Variants in GLCE observed in about 807,000 individuals in gnomAD.
GLCE encodes the protein glucuronic acid epimerase.
A neutral mutation model predicts 47.9 loss-of-function variants in GLCE; 19 were observed. The ratio of observed to expected loss-of-function variants is 0.40; its 90% confidence interval spans 0.28 to 0.58. The LOEUF (loss-of-function observed/expected upper bound fraction) is 0.58, where lower values mean the gene tolerates loss of function less well. Ranked by LOEUF, GLCE falls within the 20% of genes least tolerant of loss-of-function variation. GLCE has a pLI of 0.48. For missense variants in GLCE, 556 were observed against 743.3 expected (o/e 0.75, Z 2.93); for synonymous variants, 245 against 263.4 (o/e 0.93, Z 0.68).
intron 2 of GLCE, among the ~76,000 whole-genome samples, chr15:69,215,612 T>C (rs187088013): frequency 1.4e-3 from 212 of 152,098 alleles, no homozygotes; most frequent in African/African-American, 4.1e-3. Context: ...AGTGAATACC[T>C]AGGAGCAGGA....
chr15:69,242,128 A>G (rs759417920), intron 2 of GLCE, among the ~76,000 whole-genome samples: 8 of 152,170 alleles, frequency 5.3e-5, no homozygotes, highest in Non-Finnish European at 1.2e-4. Flanking sequence ...CTACAAGTTC[A>G]TTATCCTGTG....
rs374832590 is a variant in GLCE, at chr15:69,173,912, CA to C, written c.-105+13156del. On this transcript the variant is annotated intron_variant, in intron 1 of 4. Coordinates refer to ENST00000261858, the MANE Select transcript of GLCE (RefSeq NM_015554.3). ...TTACTCTGTCATCCAGGCTGGTGTG[CA>C]GTGGTGTGATCTTGGCTCACTGCAA... 5.9e-4 allele frequency among the ~76,000 whole-genome samples: 90 copies of C among 152,266 alleles called. 2 individuals carry two copies. In the South Asian group the frequency reaches 0.019, roughly 32 times the overall value.
intron 1 of GLCE, among the ~76,000 whole-genome samples, chr15:69,195,070 C>T (rs926115597): frequency 6.6e-6 from 1 of 152,062 alleles, no homozygotes; most frequent in Non-Finnish European, 1.5e-5. Context: ...TTGAGAGTCA[C>T]TTTTTTCCAT....
chr15:69,268,719 T>C lies in GLCE; in HGVS notation c.1329T>C (p.Ser443=). The C allele has an allele frequency of 6.2e-7, 1 of 1,614,230 alleles. No individual in the cohort carries two copies. Among genetic ancestry groups the C allele is most frequent in the Non-Finnish European group, 8.5e-7 (1 of 1,180,036 alleles). Residue 443 remains serine (S), a synonymous_variant, in exon 5 of 5, where the codon TCT becomes TCC. Coordinates refer to ENST00000261858, the MANE Select transcript of GLCE (RefSeq NM_015554.3). ...GFKSLEPGWY[S]AMAQGQAIST... ...AGTCTTTAGAGCCAGGATGGTATTC[T>C]GCCATGGCCCAAGGGCAAGCCATTT...
intron 2 of GLCE, among the ~76,000 whole-genome samples, chr15:69,224,086 C>T (rs1170209354): frequency 2.6e-5 from 4 of 152,008 alleles, no homozygotes; most frequent in African/African-American, 9.7e-5. Context: ...TATTTTTTGC[C>T]TTTGAATGTG....
intron 2 of GLCE, among the ~76,000 whole-genome samples, chr15:69,228,328 T>C (rs1277119641): frequency 6.6e-6 from 1 of 152,192 alleles, no homozygotes; most frequent in African/African-American, 2.4e-5. Flanking sequence ...ACTCATGATA[T>C]CAGCAACTCA....
At position 69,269,271 on chromosome 15, in the gene GLCE, C is replaced by T. The variant is rs765161222; in HGVS notation, c.*27C>T. ...GCTCACAACCAAAACTGCACTTCAG[C>T]CTCTGCTGTACACAGAAACTACAGG... is the stretch of plus-strand genomic sequence containing the variant. On this transcript the variant is annotated 3_prime_UTR_variant, in exon 5 of 5. Coordinates refer to ENST00000261858, the MANE Select transcript of GLCE (RefSeq NM_015554.3). 6.3e-6 allele frequency: 10 copies of T among 1,584,394 alleles called. No individual in the cohort carries two copies. The South Asian group carries it at 8.9e-5, about 14-fold the overall frequency.
chr15:69,239,356 T>C (rs937312188), intron 2 of GLCE, among the ~76,000 whole-genome samples: 1 of 152,168 alleles, frequency 6.6e-6, no homozygotes, highest in African/African-American at 2.4e-5. Flanking sequence ...TGTAGAAAGA[T>C]AGAAAGCACC....
Position 69,269,274 on chromosome 15 carries a change from C to T in GLCE, c.*30C>T. ...CACAACCAAAACTGCACTTCAGCCT[C>T]TGCTGTACACAGAAACTACAGGCTC... On this transcript the variant is annotated 3_prime_UTR_variant, in exon 5 of 5. Transcript: ENST00000261858. The T allele has an allele frequency of 6.4e-7, 1 of 1,566,728 alleles. No individual in the cohort carries two copies. The highest frequency in any genetic ancestry group is 8.8e-7 in the Non-Finnish European group (1 of 1,140,852).
intron 2 of GLCE, among the ~76,000 whole-genome samples, chr15:69,226,716 T>G (rs184319508): frequency 2.2e-4 from 32 of 145,232 alleles, no homozygotes; most frequent in African/African-American, 7.6e-4. Context: ...TCAGCCAGAG[T>G]GAGCTTGCTT....
At chr15:69,162,693 C>T (rs2051443267) in intron 1 of GLCE, among the ~76,000 whole-genome samples, 1 of 152,166 alleles carries the variant, frequency 6.6e-6, no homozygotes, top group South Asian at 2.1e-4. Flanking sequence ...TCCCCACCCC[C>T]AGTAGAGGAG....
At chr15:69,187,596 T>C (rs904708405) in intron 1 of GLCE, among the ~76,000 whole-genome samples, 2 of 152,212 alleles carry the variant, frequency 1.3e-5, no homozygotes, top group East Asian at 1.9e-4. Context: ...GAAGATGTTA[T>C]TATCATTTTG....
intron 1 of GLCE, among the ~76,000 whole-genome samples, chr15:69,195,759 T>C (rs1354522325): frequency 1.3e-5 from 2 of 152,084 alleles, no homozygotes; most frequent in Non-Finnish European, 2.9e-5. Context: ...GAATGTAATA[T>C]TTTGGTACCT....
intron 2 of GLCE, among the ~76,000 whole-genome samples, chr15:69,246,125 C>T (rs2052746035): frequency 6.6e-6 from 1 of 152,176 alleles, no homozygotes; most frequent in South Asian, 2.1e-4. Context: ...AGCAATTCAG[C>T]CCCCTCTTCA....
At chr15:69,235,385 G>A (rs1000024908) in intron 2 of GLCE, among the ~76,000 whole-genome samples, 27 of 144,070 alleles carry the variant, frequency 1.9e-4, no homozygotes, top group African/African-American at 7.7e-4. Flanking sequence ...TGGGATTACA[G>A]GTATGAGTCA....
At position 69,204,565 on chromosome 15, in the gene GLCE, A is replaced by G. The variant is rs145157555; in HGVS notation, c.-104-5751A>G. ...CTCCCAAAGTCCTGGGATTACAAGC[A>G]TGAGCCACCTTGCCTGGCCTGTTTT... is the stretch of plus-strand genomic sequence containing the variant. On this transcript the variant is annotated intron_variant, in intron 1 of 4. Transcript: ENST00000261858. 1.4e-3 allele frequency among the ~76,000 whole-genome samples: 211 copies of G among 152,146 alleles called. 1 individual carries two copies. The highest frequency in any genetic ancestry group is 4.8e-3 in the African/African-American group (198 of 41,544).
chr15:69,202,473 G>A (rs889258093), intron 1 of GLCE, among the ~76,000 whole-genome samples: 2 of 152,102 alleles, frequency 1.3e-5, no homozygotes, highest in Non-Finnish European at 1.5e-5. Context: ...TGCTCCCACT[G>A]TGTGCCGAGT....
intron 1 of GLCE, among the ~76,000 whole-genome samples, chr15:69,168,322 G>C (rs1284469908): frequency 6.6e-6 from 1 of 152,108 alleles, no homozygotes; most frequent in Non-Finnish European, 1.5e-5. Flanking sequence ...CTCCAGGATA[G>C]GGATTTTTAC....
intron 1 of GLCE, among the ~76,000 whole-genome samples, chr15:69,170,582 A>T (rs1447351100): frequency 6.6e-6 from 1 of 152,188 alleles, no homozygotes; most frequent in East Asian, 1.9e-4. Flanking sequence ...GCATGTGTGT[A>T]ATGTGTGTGT....
Sources: allele counts gnomAD v4.1 joint callset (sites outside exome capture counted in the v4.1 genomes callset), GRCh38; gene constraint gnomAD v4.1.1; transcripts MANE v1.5; gene names NCBI Gene and HGNC (gene_info 2026-07-23, HGNC 2026-07-21).